Variants in ANXA8 observed in about 807,000 individuals in gnomAD.
ANXA8 encodes the protein VAC-beta.
ANXA8 carries 9 observed loss-of-function variants against 26.8 expected under a neutral mutation model. The ratio of observed to expected loss-of-function variants is 0.34; its 90% CI spans 0.20 to 0.59. The LOEUF (loss-of-function observed/expected upper bound fraction) is 0.59. ANXA8 is among the 20% of genes least tolerant of loss of function. ANXA8 has a pLI of 0.84. For missense variants in ANXA8, 83 were observed against 238.5 expected (o/e 0.35, Z 4.29); for synonymous variants, 39 against 94.8 (o/e 0.41, Z 3.42).
chr10:47,661,096 C>T, the ANXA8 span, among the ~76,000 whole-genome samples: 1 of 136,520 alleles, frequency 7.3e-6, no homozygotes, highest in Admixed American at 7.5e-5. Context: ...ATGCTTTTAG[C>T]AGCCTGAAGC....
At chr10:47,744,411 T>TGGG in the ANXA8 span, among the ~76,000 whole-genome samples, 1 of 7,234 alleles carries the variant, frequency 1.4e-4, no homozygotes, top group Non-Finnish European at 2.5e-4. Flanking sequence ...AGGCTCCTGG[T>TGGG]GGGGGGGGGG....
chr10:47,954,636 T>C, the ANXA8 span, among the ~76,000 whole-genome samples: 6 of 151,294 alleles, frequency 4.0e-5, no homozygotes, highest in African/African-American at 1.5e-4. Flanking sequence ...ACGCATTGCA[T>C]GCCTGTATCA....
At chr10:47,675,630 G>A in the ANXA8 span, among the ~76,000 whole-genome samples, 717 of 151,624 alleles carry the variant, frequency 4.7e-3, 18 homozygotes, top group African/African-American at 0.016. Flanking sequence ...CAGAAAAATT[G>A]TCATGTCTTT....
chr10:47,918,356 GGAGAGAGAGAGAGAGAGAGA>G, the ANXA8 span, among the ~76,000 whole-genome samples: 1 of 17,754 alleles, frequency 5.6e-5, no homozygotes, highest in African/African-American at 3.5e-4. Flanking sequence ...GGGGAGGGAG[GGAGAGAGAGAGAGAGAGAGA>G]GAGAGAGAGA....
At chr10:47,747,616 TC>T in the ANXA8 span, among the ~76,000 whole-genome samples, 1 of 142,016 alleles carries the variant, frequency 7.0e-6, no homozygotes, top group Non-Finnish European at 1.5e-5. Flanking sequence ...TGGTAAACCC[TC>T]CCTTGAGACA....
the ANXA8 span, among the ~76,000 whole-genome samples, chr10:47,659,435 T>C: frequency 6.6e-6 from 1 of 151,614 alleles, no homozygotes; most frequent in African/African-American, 2.4e-5. Flanking sequence ...ATCCCAGCGC[T>C]TTGGGAGGCC....
chr10:47,942,210 G>T, the ANXA8 span, among the ~76,000 whole-genome samples: 1 of 146,216 alleles, frequency 6.8e-6, no homozygotes, highest in Non-Finnish European at 1.5e-5. Flanking sequence ...TAGGTGAAAA[G>T]CCTGTCCAGG....
At chr10:47,952,416 C>A in the ANXA8 span, among the ~76,000 whole-genome samples, 1 of 150,346 alleles carries the variant, frequency 6.7e-6, no homozygotes, top group Non-Finnish European at 1.5e-5. Context: ...TTAGCAAGGT[C>A]ATAAGATACA....
chr10:47,705,834 A>G, the ANXA8 span, among the ~76,000 whole-genome samples: 5 of 151,796 alleles, frequency 3.3e-5, no homozygotes, highest in African/African-American at 1.2e-4. Context: ...GTCATGACGC[A>G]GCGAGTTTCA....
the ANXA8 span, among the ~76,000 whole-genome samples, chr10:47,971,039 A>G: frequency 6.6e-6 from 1 of 151,442 alleles, no homozygotes; most frequent in Admixed American, 6.6e-5. Flanking sequence ...GTGCTATGTG[A>G]TATCAGCCAA....
chr10:47,622,831 C>G, the ANXA8 span, among the ~76,000 whole-genome samples: 1 of 112,116 alleles, frequency 8.9e-6, no homozygotes, highest in Non-Finnish European at 1.9e-5. Flanking sequence ...GACAAAATTA[C>G]GGTAGATTTC....
the ANXA8 span, among the ~76,000 whole-genome samples, chr10:47,656,012 C>T: frequency 6.6e-6 from 1 of 151,932 alleles, no homozygotes; most frequent in African/African-American, 2.4e-5. Flanking sequence ...AAGAGTGAAA[C>T]TCAGTCTCAA....
the ANXA8 span, among the ~76,000 whole-genome samples, chr10:47,776,249 A>T: frequency 2.0e-5 from 3 of 150,218 alleles, no homozygotes; most frequent in Admixed American, 1.3e-4. Context: ...AACAAGTTGC[A>T]GGTGGTCTGA....
chr10:47,986,553 G>A, the ANXA8 span: 16 of 347,662 alleles, frequency 4.6e-5, no homozygotes, highest in East Asian at 8.4e-4. Context: ...GACCCACATG[G>A]GCCAGGGCGG....
chr10:47,608,032 A>G, the ANXA8 span, among the ~76,000 whole-genome samples: 2 of 148,340 alleles, frequency 1.3e-5, no homozygotes, highest in African/African-American at 5.2e-5. Context: ...TTCCAAGTAA[A>G]TATAGGGGAG....
chr10:47,670,258 A>C, the ANXA8 span, among the ~76,000 whole-genome samples: 10 of 151,844 alleles, frequency 6.6e-5, no homozygotes, highest in Admixed American at 1.3e-4. Context: ...TCTGTTCATC[A>C]GTTGATGAAC....
chr10:47,599,208 A>G, the ANXA8 span, among the ~76,000 whole-genome samples: 5 of 143,192 alleles, frequency 3.5e-5, no homozygotes, highest in Admixed American at 3.4e-4. Flanking sequence ...TCATTTATCA[A>G]ACAGATCAAA....
chr10:47,941,664 C>A, the ANXA8 span, among the ~76,000 whole-genome samples: 3 of 147,210 alleles, frequency 2.0e-5, no homozygotes, highest in Non-Finnish European at 3.0e-5. Flanking sequence ...AAACAGCTGG[C>A]ATTTTCTTCA....
the ANXA8 span, among the ~76,000 whole-genome samples, chr10:47,549,881 A>G: frequency 7.0e-6 from 1 of 143,004 alleles, no homozygotes; most frequent in Admixed American, 7.0e-5. Context: ...GGGCAGGTGG[A>G]TCCCTTGAGC....
Sources: gnomAD v4.1 joint callset for allele counts (sites outside exome capture counted in the v4.1 genomes callset) on GRCh38, gnomAD v4.1.1 for gene constraint, MANE v1.5 for transcripts, NCBI Gene and HGNC (gene_info 2026-07-23, HGNC 2026-07-21) for gene names.